Variants in EPG5 observed in about 807,000 individuals in gnomAD.
EPG5 encodes the protein ectopic P-granules 5 autophagy tethering factor, also known as ectopic P granules protein 5 homolog.
In EPG5, 159 loss-of-function variants were observed where a neutral mutation model predicts 302.7. That is an observed-to-expected ratio of 0.53 (90% CI 0.46 to 0.60). The LOEUF is 0.60. EPG5 is among the 20% of genes least tolerant of loss of function. The probability of loss-of-function intolerance (pLI) is 0.00; values close to 1 mark genes in which losing one functional copy is unlikely to be tolerated. For synonymous variants in EPG5, 1,158 were observed against 1,136.8 expected (o/e 1.02, Z -0.37); for missense variants, 2,896 against 3,092.4 (o/e 0.94, Z 1.51).
chr18:45,830,583 C>CTTTTTTTTTTTTTTTTT, the EPG5 span, among the ~76,000 whole-genome samples: 2 of 96,702 alleles, frequency 2.1e-5, no homozygotes, highest in East Asian at 3.6e-4. Context: ...ATTTTTCTTT[C>CTTTTTTTTTTTTTTTTT]TTTTTTTTTT....
At chr18:45,820,366 A>G in the EPG5 span, among the ~76,000 whole-genome samples, 1 of 152,192 alleles carries the variant, frequency 6.6e-6, no homozygotes, top group Non-Finnish European at 1.5e-5. Flanking sequence ...GCTCTCTGGC[A>G]GCCTCTAGGC....
rs374649165 is a variant in EPG5, at chr18:45,910,657, T to G, written c.4069A>C (p.Thr1357Pro). 39 of 1,614,076 alleles carry G rather than the reference T, an allele frequency of 2.4e-5. No homozygotes were observed. The highest frequency in any genetic ancestry group is 2.9e-5 in the Non-Finnish European group (34 of 1,180,046). Reference sequence around the variant, plus strand: ...GCATGGTGGAAGTCAGCCACCTCGGTCAAACGTCTCTTCATTTCTTTCAAC... The same window carrying G: ...GCATGGTGGAAGTCAGCCACCTCGGGCAAACGTCTCTTCATTTCTTTCAAC... ...NLLKEMKRRL[T>P]EVADFHHAAS... The change falls in exon 23 of 44, where the codon ACC becomes CCC. Residue 1357 changes from threonine to proline, a missense_variant. Around this residue, in one of 5 missense-constraint regions of EPG5, gnomAD observed 790 missense variants for 798.0 expected, o/e 0.99. Coordinates refer to ENST00000282041, the MANE Select transcript of EPG5 (RefSeq NM_020964.3).
intron 6 of EPG5, 110 bp from the exon 7 acceptor site, chr18:45,946,878 T>C (rs1473408791): frequency 3.6e-6 from 3 of 835,208 alleles, no homozygotes; most frequent in Non-Finnish European, 5.8e-6. Flanking sequence ...AATCTTCCAA[T>C]GGTTTAAATT....
intron 43 of EPG5, among the ~76,000 whole-genome samples, chr18:45,853,947 T>C (rs914994842): frequency 6.6e-6 from 1 of 152,192 alleles, no homozygotes; most frequent in African/African-American, 2.4e-5. Context: ...AAGACAACTT[T>C]CTTCAAATCT....
the EPG5 span, among the ~76,000 whole-genome samples, chr18:45,816,804 G>T: frequency 6.6e-6 from 1 of 152,142 alleles, no homozygotes; most frequent in African/African-American, 2.4e-5. Flanking sequence ...ATACAAAAAA[G>T]ATACTTGCAC....
chr18:45,808,291 T>C, the EPG5 span, among the ~76,000 whole-genome samples: 1 of 152,192 alleles, frequency 6.6e-6, no homozygotes, highest in Non-Finnish European at 1.5e-5. Flanking sequence ...ATTTGAAAGT[T>C]TGGAAAACCT....
At chr18:45,821,516 TA>T in the EPG5 span, among the ~76,000 whole-genome samples, 1 of 151,970 alleles carries the variant, frequency 6.6e-6, no homozygotes, top group Non-Finnish European at 1.5e-5. Flanking sequence ...GAAGGAAACA[TA>T]GGGGAAACAT....
Position 45,939,762 on chromosome 18 carries a change from A to G in EPG5, c.1944-7T>C, listed in dbSNP as rs1006853019. 1.2e-6 allele frequency: 2 copies of G among 1,612,258 alleles called. No homozygotes were observed. The highest frequency in any genetic ancestry group is 1.7e-6 in the Non-Finnish European group (2 of 1,179,490). On this transcript the variant is annotated splice_polypyrimidine_tract_variant and splice_region_variant and intron_variant, in intron 9 of 43. Coordinates refer to ENST00000282041, the MANE Select transcript of EPG5 (RefSeq NM_020964.3). ...TACATAACCAAGAGTCATCCTGAGC[A>G]TGAGGAAAGATAATACAGTACTTTT...
intron 14 of EPG5, among the ~76,000 whole-genome samples, chr18:45,925,304 TCTA>T (rs2145779360): frequency 6.6e-6 from 1 of 152,232 alleles, no homozygotes; most frequent in Admixed American, 6.5e-5. Flanking sequence ...AAACCCTGTC[TCTA>T]CTAAAAAATA....
intron 16 of EPG5, among the ~76,000 whole-genome samples, chr18:45,919,282 A>C (rs1412746581): frequency 6.6e-6 from 1 of 152,174 alleles, no homozygotes; most frequent in Non-Finnish European, 1.5e-5. Context: ...TTTACACTAG[A>C]GATCAGCCCT....
chr18:45,870,528 G>C, intron 36 of EPG5, 39 bp downstream of exon 36: 1 of 1,580,256 alleles, frequency 6.3e-7, no homozygotes, highest in Non-Finnish European at 8.7e-7. Flanking sequence ...CTAGAAGCCA[G>C]ATCTCTCTAG....
chr18:45,812,891 A>G, the EPG5 span, among the ~76,000 whole-genome samples: 3 of 152,236 alleles, frequency 2.0e-5, no homozygotes, highest in Non-Finnish European at 2.9e-5. Flanking sequence ...ACCAAAAGCA[A>G]TGGCAACAAA....
At chr18:45,864,892 T>G (rs8095439) in intron 39 of EPG5, among the ~76,000 whole-genome samples, 20,981 of 152,260 alleles carry the variant, frequency 0.14, 1,968 homozygotes, top group East Asian at 0.34. Flanking sequence ...AACAGGTAAC[T>G]GTCTTTGCCT....
chr18:45,821,879 G>A, the EPG5 span, among the ~76,000 whole-genome samples: 2 of 152,136 alleles, frequency 1.3e-5, no homozygotes, highest in Admixed American at 6.5e-5. Context: ...CTAATCATGA[G>A]GGAAATGCAA....
chr18:45,871,802 G>A (rs529348769), intron 35 of EPG5, among the ~76,000 whole-genome samples: 1 of 152,296 alleles, frequency 6.6e-6, no homozygotes, highest in Non-Finnish European at 1.5e-5. Flanking sequence ...GGGAGGGAAT[G>A]AGGAGTTGCT....
chr18:45,872,033 C>T (rs2048882231), intron 35 of EPG5, among the ~76,000 whole-genome samples: 2 of 152,136 alleles, frequency 1.3e-5, no homozygotes, highest in South Asian at 4.2e-4. Context: ...CTGTACCCAT[C>T]AATGTATATA....
intron 16 of EPG5, among the ~76,000 whole-genome samples, chr18:45,919,734 G>A (rs1950042501): frequency 2.6e-5 from 4 of 152,008 alleles, no homozygotes; most frequent in Admixed American, 2.0e-4. Context: ...GGATGGTCTC[G>A]ATCTCCTGAC....
In EPG5 at chr18:45,945,882, G is replaced by A. The variant is rs1426417597; in HGVS notation, c.1677+781C>T. Among the ~76,000 whole-genome samples, 3 of 152,176 alleles carry A rather than the reference G, an allele frequency of 2.0e-5. No individual in the cohort carries two copies. In the East Asian group the frequency reaches 5.8e-4, roughly 29 times the overall value. ...CCCTACTTCTGAATGAGCACTCTGG[G>A]AAATACACAGACACGATCCAACAGC... is the stretch of plus-strand genomic sequence containing the variant. On this transcript the variant is annotated intron_variant, in intron 7 of 43. Coordinates refer to ENST00000282041, the MANE Select transcript of EPG5 (RefSeq NM_020964.3).
At chr18:45,955,613 C>A (rs995845193) in intron 1 of EPG5, among the ~76,000 whole-genome samples, 1 of 152,084 alleles carries the variant, frequency 6.6e-6, no homozygotes, top group Non-Finnish European at 1.5e-5. Context: ...AATTCTGATT[C>A]AAAAAATAGA....
Sources: gnomAD v4.1 joint callset for allele counts (sites outside exome capture counted in the v4.1 genomes callset) on GRCh38, gnomAD v4.1.1 for gene constraint, gnomAD v4.1.1 regional missense constraint, MANE v1.5 for transcripts, NCBI Gene and HGNC (gene_info 2026-07-23, HGNC 2026-07-21) for gene names.